CORO7: variants seen among roughly 807,000 people sequenced by gnomAD.
The protein encoded by CORO7 is coronin 7, also known as coronin-7.
A neutral mutation model predicts 126.6 loss-of-function variants in CORO7; 107 were observed. That is an observed-to-expected ratio of 0.85 (90% CI 0.72 to 0.99). The LOEUF (loss-of-function observed/expected upper bound fraction) is 0.99. CORO7 is among the 50% of genes least tolerant of loss of function. The pLI is 0.00. For missense variants in CORO7, 1,314 were observed against 1,255.8 expected (o/e 1.05, Z -0.70); for synonymous variants, 603 against 536.8 (o/e 1.12, Z -1.70).
At chr16:4,367,725 A>G (rs747562209) in intron 9 of CORO7, among the ~76,000 whole-genome samples, 1 of 152,158 alleles carries the variant, frequency 6.6e-6, no homozygotes, top group Non-Finnish European at 1.5e-5. Flanking sequence ...AGGTGGGTTC[A>G]TGGCCTGTTT....
intron 9 of CORO7, chr16:4,381,754 C>G (rs2054981220): frequency 3.7e-6 from 6 of 1,603,068 alleles, no homozygotes; most frequent in Non-Finnish European, 5.1e-6. Context: ...CCTGCGGCTG[C>G]TGGCAGCTGC....
chr16:4,361,006 A>T lies in CORO7; in HGVS notation c.1854T>A (p.Thr618=). The change falls in exon 19 of 28, where the codon ACT becomes ACA. Residue 618 remains threonine (T), a synonymous_variant. Transcript: ENST00000251166. The part of the protein sequence containing the change: ...NVLASSSYDL[T]VRIWDLQAGA... ...CAGCCTGAAGGTCCCAGATGCGAAC[A>T]GTGAGGTCATAGGAGGACGAGGCCA... The T allele has an allele frequency of 6.2e-7, 1 of 1,613,220 alleles. No individual in the cohort carries two copies.
chr16:4,410,889 A>T (rs1183988520), intron 3 of CORO7, among the ~76,000 whole-genome samples: 1 of 152,228 alleles, frequency 6.6e-6, no homozygotes, highest in Admixed American at 6.5e-5. Flanking sequence ...AACTATTTAC[A>T]AAAACAGGCA....
chr16:4,416,411 C>G, intron 1 of CORO7, 48 bp downstream of exon 1: 1 of 1,512,362 alleles, frequency 6.6e-7, no homozygotes, highest in East Asian at 2.7e-5. Context: ...GGAGGGGCAG[C>G]CGGACGGGGC....
intron 3 of CORO7, among the ~76,000 whole-genome samples, chr16:4,409,503 C>T (rs1490158961): frequency 3.3e-5 from 5 of 152,236 alleles, no homozygotes; most frequent in East Asian, 1.9e-4. Flanking sequence ...GGGGTTGACA[C>T]GCAGGGACCT....
rs770020813 is a variant in CORO7, at chr16:4,362,201, C to T, written c.1403-41G>A. 3.0e-5 allele frequency: 48 copies of T among 1,576,196 alleles called. No homozygotes were observed. Among genetic ancestry groups the T allele is most frequent in the Non-Finnish European group, 3.4e-5 (40 of 1,160,978 alleles). ...GACATGGAACCACGTGTGAGGATGC[C>T]GTCCCCGCCCGCCCTGCACTCTTTG... On this transcript the variant is annotated intron_variant, in intron 15 of 27. Coordinates refer to ENST00000251166, the MANE Select transcript of CORO7 (RefSeq NM_024535.5). The surrounding 1 kb of genome is among the most constrained non-coding windows in gnomAD (Gnocchi z 5.3).
chr16:4,358,298 C>A lies in CORO7; in HGVS notation c.2457+69G>T, dbSNP rs369194559. On this transcript the variant is annotated intron_variant, in intron 24 of 27. Transcript: ENST00000251166. ...AGGGAAGTTTGGAAGCTGGGTCAGA[C>A]GGGACCCAAACTCCCCTCTAGGCAC... 1.9e-6 allele frequency: 3 copies of A among 1,567,476 alleles called. No homozygotes were observed. The East Asian group carries it at 6.8e-5, about 35-fold the overall frequency.
intron 2 of CORO7, 60 bp from the exon 3 acceptor site, chr16:4,412,490 C>T: frequency 6.4e-7 from 1 of 1,574,202 alleles, no homozygotes; most frequent in Non-Finnish European, 8.7e-7. Context: ...ACCTCCTTGC[C>T]CAGGGATCCC....
rs141183407 is a variant in CORO7 at position 4,387,830 on chromosome 16, G to A, written c.785+156C>T. ...ACATCTGGAAGCTCCGGGGGTACAG[G>A]GCCAGGTGTCTGTTGCAAGGCCTTG... On this transcript the variant is annotated intron_variant, in intron 9 of 27. Transcript: ENST00000251166. The A allele has an allele frequency of 1.3e-3, 1,168 of 893,200 alleles. 31 individuals carry two copies. In the East Asian group the frequency reaches 0.031, roughly 23 times the overall value. The allele number at this position is 893,200 out of a possible 1,614,324, so 55.3% of individuals were successfully genotyped here.
intron 9 of CORO7, among the ~76,000 whole-genome samples, chr16:4,370,287 G>A (rs1487525760): frequency 6.6e-6 from 1 of 152,222 alleles, no homozygotes; most frequent in Non-Finnish European, 1.5e-5. Flanking sequence ...ATGGTTCTGG[G>A]GCCGGGCAGG....
chr16:4,382,660 G>A (rs1407583013), intron 9 of CORO7: 3 of 1,551,684 alleles, frequency 1.9e-6, no homozygotes, highest in South Asian at 2.4e-5. Context: ...TGCGGTGGGG[G>A]CAGCCTACTG....
chr16:4,387,797 T>C, intron 9 of CORO7, 189 bp downstream of exon 9: 1 of 676,468 alleles, frequency 1.5e-6, no homozygotes, highest in Non-Finnish European at 2.5e-6. Flanking sequence ...GAGCACCTGC[T>C]GCTCGTGACA....
chr16:4,361,977 G>T lies in CORO7; in HGVS notation c.1578+8C>A. 6.3e-7 allele frequency: 1 copy of T among 1,597,150 alleles called. No homozygotes were observed. Among genetic ancestry groups the T allele is most frequent in the Non-Finnish European group, 8.5e-7 (1 of 1,172,586 alleles). The stretch of plus-strand genomic sequence containing the variant: ...TGAGGGGCAGCCCTGGTGGGGTGGG[G>T]CCCTCACCTCAAGCACAGCCACCTG... On this transcript the variant is annotated splice_region_variant and intron_variant, in intron 16 of 27. Transcript: ENST00000251166.
chr16:4,359,170 C>T (rs1268132781), intron 23 of CORO7, 126 bp downstream of exon 23: 7 of 1,092,994 alleles, frequency 6.4e-6, no homozygotes, highest in Non-Finnish European at 7.6e-6. Context: ...GGGCACAGCC[C>T]CAGGCCCAGC....
At chr16:4,377,887 GC>G (rs2054803287) in intron 9 of CORO7, among the ~76,000 whole-genome samples, 1 of 152,174 alleles carries the variant, frequency 6.6e-6, no homozygotes, top group South Asian at 2.1e-4. Context: ...CAGGACCCCA[GC>G]CCACAGTCCT....
At chr16:4,388,869 C>A (rs1283633287) in intron 7 of CORO7, among the ~76,000 whole-genome samples, 1 of 152,198 alleles carries the variant, frequency 6.6e-6, no homozygotes, top group Non-Finnish European at 1.5e-5. Context: ...CAGAGGCCAA[C>A]CTGGCTGCTC....
At chr16:4,396,367 C>T (rs1180627261) in intron 6 of CORO7, among the ~76,000 whole-genome samples, 1 of 152,170 alleles carries the variant, frequency 6.6e-6, no homozygotes, top group Admixed American at 6.5e-5. Context: ...GCGTAAGCCA[C>T]CATGTTTGGC....
At chr16:4,360,165 A>G in intron 21 of CORO7, 113 bp downstream of exon 21, 1 of 1,391,424 alleles carries the variant, frequency 7.2e-7, no homozygotes, top group Non-Finnish European at 1.0e-6. Flanking sequence ...CCACCCAACC[A>G]TCCAGTGAGG....
chr16:4,382,090 C>T, intron 9 of CORO7: 1 of 1,585,460 alleles, frequency 6.3e-7, no homozygotes. Flanking sequence ...GCCTGTCCCC[C>T]AGCCCCAGGA....
Sources: gnomAD v4.1 joint callset for allele counts (sites outside exome capture counted in the v4.1 genomes callset) on GRCh38, gnomAD v4.1.1 for gene constraint, Gnocchi (gnomAD v3.1) non-coding constraint, MANE v1.5 for transcripts, NCBI Gene and HGNC (gene_info 2026-07-23, HGNC 2026-07-21) for gene names.